Variants in PPFIBP2 observed in about 807,000 individuals in gnomAD.
The protein encoded by PPFIBP2 is PPFIB scaffold protein 2.
A neutral mutation model predicts 118.3 loss-of-function variants in PPFIBP2; 118 were observed. The observed-to-expected ratio is 1.00, with a 90% CI of 0.86 to 1.16. The LOEUF is 1.16. Ranked by LOEUF, PPFIBP2 falls within the 50% of genes most tolerant of loss-of-function variation. PPFIBP2 has a pLI of 0.00. For synonymous variants in PPFIBP2, 414 were observed against 397.4 expected (o/e 1.04, Z -0.50); for missense variants, 1,195 against 1,073.1 (o/e 1.11, Z -1.59).
chr11:7,592,156 T>A (rs1216435225), intron 3 of PPFIBP2, among the ~76,000 whole-genome samples: 2 of 152,126 alleles, frequency 1.3e-5, no homozygotes, highest in African/African-American at 4.8e-5. Flanking sequence ...ATCTACTTTT[T>A]CAAACTGCCA....
In PPFIBP2 at chr11:7,651,753, A is replaced by G. The variant is rs139696163; in HGVS notation, c.2345A>G (p.Asn782Ser). 4 of 1,614,144 alleles carry G rather than the reference A, an allele frequency of 2.5e-6. No individual in the cohort carries two copies. The highest frequency in any genetic ancestry group is 1.7e-5 in the Admixed American group (1 of 60,024). Reference sequence around the variant, plus strand: ...AGGCGCCACCTGACCACCAAGTTCAATGCCTTGATTGGTCCGGAGGCTGAA... The same window carrying G: ...AGGCGCCACCTGACCACCAAGTTCAGTGCCTTGATTGGTCCGGAGGCTGAA... Reference protein sequence around the residue: ...LLRRHLTTKFNALIGPEAEQE... With the variant: ...LLRRHLTTKFSALIGPEAEQE... The change falls in exon 23 of 24, where the codon AAT becomes AGT. Residue 782 changes from asparagine (N) to serine (S), a missense_variant. Transcript: ENST00000299492.
chr11:7,621,592 T>C (rs1849362470), intron 7 of PPFIBP2, among the ~76,000 whole-genome samples: 1 of 152,256 alleles, frequency 6.6e-6, no homozygotes, highest in Non-Finnish European at 1.5e-5. Context: ...CCTTTGTTTC[T>C]TCCTTCTTTT....
At position 7,629,583 on chromosome 11, in the gene PPFIBP2, G is replaced by T. The variant is rs369131353; in HGVS notation, c.964+49G>T. ...GTTGTCTCTGAAAGATATTCCATCA[G>T]CTGTGTTAAAGCCAGGGGCAGTTCT... is the stretch of plus-strand genomic sequence containing the variant. On this transcript the variant is annotated intron_variant, in intron 10 of 23. Transcript: ENST00000299492. The T allele has an allele frequency of 1.9e-6, 3 of 1,585,748 alleles. No individual in the cohort carries two copies. In the Admixed American group the frequency reaches 5.0e-5, roughly 26 times the overall value.
intron 5 of PPFIBP2, among the ~76,000 whole-genome samples, chr11:7,607,792 G>T (rs1847578270): frequency 6.6e-6 from 1 of 152,044 alleles, no homozygotes; most frequent in Non-Finnish European, 1.5e-5. Flanking sequence ...GTTTATAGAA[G>T]TTTATGGCAT....
At chr11:7,666,723 C>CTTTG in the PPFIBP2 span, 1 of 523,198 alleles carries the variant, frequency 1.9e-6, no homozygotes, top group Non-Finnish European at 3.4e-6. Flanking sequence ...AGCTCAAACC[C>CTTTG]TTTGTTTTGT....
At chr11:7,623,354 T>C (rs1446471486) in intron 7 of PPFIBP2, among the ~76,000 whole-genome samples, 1 of 152,202 alleles carries the variant, frequency 6.6e-6, no homozygotes. Context: ...ATCTCAGACC[T>C]TGTGCCACAC....
chr11:7,536,645 C>G (rs1484010933), intron 1 of PPFIBP2, among the ~76,000 whole-genome samples: 1 of 151,950 alleles, frequency 6.6e-6, no homozygotes, highest in Non-Finnish European at 1.5e-5. Flanking sequence ...GAGTCTGACA[C>G]GAAGAAACAT....
chr11:7,537,968 A>G (rs1023538961), intron 1 of PPFIBP2, among the ~76,000 whole-genome samples: 8 of 152,142 alleles, frequency 5.3e-5, no homozygotes, highest in Non-Finnish European at 1.5e-5. Flanking sequence ...GAGTTGGGAA[A>G]AGGATCAGCT....
chr11:7,537,538 T>C (rs1373768404), intron 1 of PPFIBP2, among the ~76,000 whole-genome samples: 1 of 152,238 alleles, frequency 6.6e-6, no homozygotes, highest in Non-Finnish European at 1.5e-5. Context: ...TAGTCCTGGC[T>C]CTTCACATCT....
chr11:7,530,716 A>G (rs1326602700), intron 1 of PPFIBP2, among the ~76,000 whole-genome samples: 1 of 152,186 alleles, frequency 6.6e-6, no homozygotes, highest in Non-Finnish European at 1.5e-5. Context: ...AACAGCCTGG[A>G]CAGACTAAGA....
chr11:7,607,779 G>A (rs1847576374), intron 5 of PPFIBP2, among the ~76,000 whole-genome samples: 1 of 152,008 alleles, frequency 6.6e-6, no homozygotes, highest in African/African-American at 2.4e-5. Flanking sequence ...TCCATCTCTA[G>A]CTGTTTATAG....
chr11:7,528,048 A>G (rs1850379216), intron 1 of PPFIBP2, among the ~76,000 whole-genome samples: 1 of 152,182 alleles, frequency 6.6e-6, no homozygotes, highest in Admixed American at 6.5e-5. Flanking sequence ...GAGTGGCCAA[A>G]ATAAAATTGA....
chr11:7,586,233 C>G (rs1858155861), intron 3 of PPFIBP2, among the ~76,000 whole-genome samples: 1 of 152,088 alleles, frequency 6.6e-6, no homozygotes, highest in South Asian at 2.1e-4. Flanking sequence ...ATAGATATTT[C>G]TTAGGCATCC....
intron 2 of PPFIBP2, among the ~76,000 whole-genome samples, chr11:7,563,435 G>T (rs1031614206): frequency 9.2e-5 from 14 of 152,186 alleles, no homozygotes; most frequent in Admixed American, 6.5e-4. Context: ...GCTCCCCAGA[G>T]CCTCTGACTT....
At chr11:7,594,728 C>T (rs1475836122) in intron 4 of PPFIBP2, among the ~76,000 whole-genome samples, 1 of 149,006 alleles carries the variant, frequency 6.7e-6, no homozygotes, top group Middle Eastern at 3.2e-3. Context: ...ACCAGCTTGA[C>T]CAGCATGGTG....
chr11:7,582,081 G>A (rs1035359677), intron 3 of PPFIBP2, among the ~76,000 whole-genome samples: 1 of 151,788 alleles, frequency 6.6e-6, no homozygotes, highest in Non-Finnish European at 1.5e-5. Flanking sequence ...CAGATGATGC[G>A]CCCGCCTCAG....
At chr11:7,665,569 G>A in the PPFIBP2 span, 5 of 1,578,544 alleles carry the variant, frequency 3.2e-6, no homozygotes, top group South Asian at 4.8e-5. Context: ...AGATGCAGGA[G>A]CAAGCTGAGC....
chr11:7,666,367 C>T, the PPFIBP2 span: 9 of 900,350 alleles, frequency 1.0e-5, no homozygotes, highest in Non-Finnish European at 1.6e-5. Context: ...AAAACTAAAA[C>T]AAAACAAAGA....
intron 6 of PPFIBP2, among the ~76,000 whole-genome samples, chr11:7,611,411 C>T (rs1848059137): frequency 6.6e-6 from 1 of 152,212 alleles, no homozygotes; most frequent in South Asian, 2.1e-4. Flanking sequence ...TGCATACTGA[C>T]ATCTGCCATG....
Sources: gnomAD v4.1 joint callset for allele counts (sites outside exome capture counted in the v4.1 genomes callset) on GRCh38, gnomAD v4.1.1 for gene constraint, MANE v1.5 for transcripts, NCBI Gene and HGNC (gene_info 2026-07-23, HGNC 2026-07-21) for gene names.